Variants in WWOX observed in about 807,000 individuals in gnomAD.
The protein encoded by WWOX is WW domain containing oxidoreductase, also known as WW domain-containing oxidoreductase.
WWOX carries 69 observed loss-of-function variants against 46.2 expected under a neutral mutation model. The ratio of observed to expected loss-of-function variants is 1.49; its 90% CI spans 1.23 to 1.82. The LOEUF (loss-of-function observed/expected upper bound fraction) is 1.82. Ranked by LOEUF, WWOX falls within the 40% of genes most tolerant of loss-of-function variation. The pLI, the probability that WWOX is intolerant of heterozygous loss-of-function variation, is 0.00. For synonymous variants in WWOX, 359 were observed against 202.6 expected (o/e 1.77, Z -6.56); for missense variants, 919 against 542.6 (o/e 1.69, Z -6.89).
intron 8 of WWOX, among the ~76,000 whole-genome samples, chr16:78,823,925 G>A (rs1159397566): frequency 1.3e-5 from 2 of 152,018 alleles, no homozygotes; most frequent in Non-Finnish European, 2.9e-5. Flanking sequence ...ACAGGCGAGA[G>A]CCACCATACT....
intron 8 of WWOX, among the ~76,000 whole-genome samples, chr16:78,540,027 C>CACAG (rs1356296184): frequency 1.3e-5 from 2 of 150,552 alleles, no homozygotes; most frequent in East Asian, 3.9e-4. Flanking sequence ...CTCTCACACA[C>CACAG]ACACACACAC....
At chr16:78,380,096 C>T (rs1349014403) in intron 5 of WWOX, among the ~76,000 whole-genome samples, 1 of 152,150 alleles carries the variant, frequency 6.6e-6, no homozygotes, top group East Asian at 1.9e-4. Context: ...GCCCCTGTAT[C>T]CGAGGGAAAC....
chr16:78,832,428 A>G (rs540014509), intron 8 of WWOX, among the ~76,000 whole-genome samples: 2 of 152,188 alleles, frequency 1.3e-5, no homozygotes, highest in African/African-American at 2.4e-5. Flanking sequence ...GATTAGAAGA[A>G]TACTAGTAAA....
intron 4 of WWOX, among the ~76,000 whole-genome samples, chr16:78,115,568 G>A (rs532702046): frequency 1.3e-5 from 2 of 152,258 alleles, no homozygotes; most frequent in South Asian, 2.1e-4. Flanking sequence ...TACAGGTTTC[G>A]ACTGGTCACT....
chr16:79,059,670 A>G (rs577694477), intron 8 of WWOX, among the ~76,000 whole-genome samples: 2 of 152,056 alleles, frequency 1.3e-5, no homozygotes, highest in South Asian at 4.2e-4. Context: ...AATTTTTTGT[A>G]TTTTTAGTAG....
chr16:78,379,895 A>T (rs563482230), intron 5 of WWOX, among the ~76,000 whole-genome samples: 11 of 152,232 alleles, frequency 7.2e-5, no homozygotes, highest in Non-Finnish European at 1.6e-4. Context: ...AGCATAATGT[A>T]GGCATGAGAC....
chr16:79,089,688 A>G (rs1180600728), intron 8 of WWOX, among the ~76,000 whole-genome samples: 1 of 152,150 alleles, frequency 6.6e-6, no homozygotes, highest in Non-Finnish European at 1.5e-5. Flanking sequence ...GGTGCACTAG[A>G]GAAATGTTTT....
intron 8 of WWOX, among the ~76,000 whole-genome samples, chr16:78,984,068 C>G (rs922857323): frequency 3.3e-4 from 50 of 151,986 alleles, no homozygotes; most frequent in African/African-American, 1.1e-3. Context: ...TTAGTAGAGA[C>G]AGGGTTTCAC....
rs149145936 is a variant in WWOX, at chr16:78,803,017, T to G, written c.1056+370265T>G. Among the ~76,000 whole-genome samples the G allele has an allele frequency of 1.4e-3, 216 of 148,988 alleles. 2 individuals carry two copies. The East Asian group carries it at 0.031, about 21-fold the overall frequency. ...TTCATCACCAGGCCTGCCATGGAATTCATGGTGCCTTGTACTGTGGCCAGT... is the reference window on the plus strand; with the variant it reads ...TTCATCACCAGGCCTGCCATGGAATGCATGGTGCCTTGTACTGTGGCCAGT... On this transcript the variant is annotated intron_variant, in intron 8 of 8. Coordinates refer to ENST00000566780, the MANE Select transcript of WWOX (RefSeq NM_016373.4).
chr16:78,221,804 TTC>T (rs2036896892), intron 5 of WWOX, among the ~76,000 whole-genome samples: 1 of 152,184 alleles, frequency 6.6e-6, no homozygotes, highest in Admixed American at 6.5e-5. Flanking sequence ...TTTGACACAT[TTC>T]TCTCTGATTT....
At chr16:78,842,981 A>G (rs910954208) in intron 8 of WWOX, among the ~76,000 whole-genome samples, 2 of 150,332 alleles carry the variant, frequency 1.3e-5, no homozygotes, top group African/African-American at 4.8e-5. Flanking sequence ...CACGCTTCAC[A>G]GGACTGGCAG....
chr16:78,131,222 C>A (rs577585603), intron 4 of WWOX, among the ~76,000 whole-genome samples: 31 of 152,174 alleles, frequency 2.0e-4, no homozygotes, highest in African/African-American at 5.3e-4. Flanking sequence ...TAAATTGATT[C>A]GCTTTTGTGA....
At chr16:78,959,814 T>G (rs1192830046) in intron 8 of WWOX, among the ~76,000 whole-genome samples, 1 of 152,180 alleles carries the variant, frequency 6.6e-6, no homozygotes, top group African/African-American at 2.4e-5. Context: ...CTGAACCCTG[T>G]GGAAATCATA....
chr16:78,748,845 C>G (rs1319395200), intron 8 of WWOX, among the ~76,000 whole-genome samples: 1 of 152,216 alleles, frequency 6.6e-6, no homozygotes, highest in Admixed American at 6.5e-5. Context: ...AGCCATATAT[C>G]TTAAGTAGGA....
intron 8 of WWOX, among the ~76,000 whole-genome samples, chr16:78,916,183 A>C (rs1012002000): frequency 1.3e-5 from 2 of 152,342 alleles, no homozygotes; most frequent in East Asian, 3.9e-4. Flanking sequence ...ACGCTGCACA[A>C]GGAAGACCTT....
chr16:78,422,511 A>T (rs2082956191), intron 6 of WWOX, among the ~76,000 whole-genome samples: 1 of 149,908 alleles, frequency 6.7e-6, no homozygotes, highest in South Asian at 2.1e-4. Context: ...CACCTGGCTC[A>T]CTTTCGGGTG....
intron 8 of WWOX, among the ~76,000 whole-genome samples, chr16:79,034,879 A>C (rs1438341376): frequency 6.6e-6 from 1 of 152,178 alleles, no homozygotes; most frequent in Admixed American, 6.5e-5. Context: ...ATTACTTTAA[A>C]AATAAAAGAT....
At chr16:78,585,394 C>T (rs1466302424) in intron 8 of WWOX, among the ~76,000 whole-genome samples, 2 of 152,160 alleles carry the variant, frequency 1.3e-5, no homozygotes, top group Non-Finnish European at 2.9e-5. Context: ...TGGGGATCGG[C>T]CACTTACTTG....
At chr16:78,640,976 C>T (rs936732929) in intron 8 of WWOX, among the ~76,000 whole-genome samples, 4 of 149,106 alleles carry the variant, frequency 2.7e-5, no homozygotes, top group Non-Finnish European at 3.0e-5. Flanking sequence ...AAAGGAAGGA[C>T]AGATGGAAGG....
Sources: allele counts gnomAD v4.1 joint callset (sites outside exome capture counted in the v4.1 genomes callset), GRCh38; gene constraint gnomAD v4.1.1; transcripts MANE v1.5; gene names NCBI Gene and HGNC (gene_info 2026-07-23, HGNC 2026-07-21).